CHD2: variants seen among roughly 807,000 people sequenced by gnomAD.
The protein encoded by CHD2 is chromodomain helicase DNA binding protein 2, also known as ATP-dependent chromatin remodeler CHD2.
Under a neutral mutation model 243.9 loss-of-function variants are expected in CHD2, and 28 were observed. That is an observed-to-expected ratio of 0.11 (90% CI 0.09 to 0.16). The LOEUF (loss-of-function observed/expected upper bound fraction) is 0.16. Ranked by LOEUF, CHD2 falls within the 10% of genes least tolerant of loss-of-function variation. The pLI is 1.00. For missense variants in CHD2, 1,386 were observed against 2,209.8 expected (o/e 0.63, Z 7.47); for synonymous variants, 775 against 779.0 (o/e 0.99, Z 0.09).
At position 93,024,720 on chromosome 15, in the gene CHD2, A is replaced by AG; in HGVS notation, c.*17dup. On this transcript the variant is annotated 3_prime_UTR_variant, in exon 39 of 39. Coordinates refer to ENST00000394196, the MANE Select transcript of CHD2 (RefSeq NM_001271.4). Reference sequence around the variant, plus strand: ...GGAAAACATAAAGGACAGCTCGTAAAGGAGAGAGTAAGAGTCACCAAACAC... The same window carrying AG: ...GGAAAACATAAAGGACAGCTCGTAAAGGGAGAGAGTAAGAGTCACCAAACAC... The AG allele has an allele frequency of 6.3e-7, 1 of 1,593,920 alleles. No homozygotes were observed. The highest frequency in any genetic ancestry group is 1.3e-5 in the African/African-American group (1 of 74,402).
chr15:92,981,211 A>T (rs576513631), intron 23 of CHD2, among the ~76,000 whole-genome samples, 154 bp from the exon 24 acceptor site: 46 of 152,358 alleles, frequency 3.0e-4, no homozygotes, highest in African/African-American at 1.1e-3. Flanking sequence ...GATGTAAAAG[A>T]TGTAGAGTTG....
Position 92,907,588 on chromosome 15 carries a change from A to C in CHD2, c.62+6289A>C, listed in dbSNP as rs181347254. Reference sequence around the variant, plus strand: ...GTTCAGCTTTTACTTTAGTCCTGAAAATTTTTGTTCCCAGTTTAGGCCAGT... The same window carrying C: ...GTTCAGCTTTTACTTTAGTCCTGAACATTTTTGTTCCCAGTTTAGGCCAGT... On this transcript the variant is annotated intron_variant, in intron 2 of 38. Transcript: ENST00000394196. 1.4e-4 allele frequency among the ~76,000 whole-genome samples: 22 copies of C among 152,272 alleles called. No individual in the cohort carries two copies. The East Asian group carries it at 3.5e-3, about 24-fold the overall frequency.
intron 2 of CHD2, among the ~76,000 whole-genome samples, chr15:92,922,507 G>A (rs924840905): frequency 6.6e-6 from 1 of 152,138 alleles, no homozygotes; most frequent in African/African-American, 2.4e-5. Flanking sequence ...GTAATGTGCT[G>A]TGGATCGCAT....
intron 16 of CHD2, among the ~76,000 whole-genome samples, chr15:92,963,317 G>T (rs1471753448): frequency 6.6e-6 from 1 of 151,752 alleles, no homozygotes; most frequent in Non-Finnish European, 1.5e-5. Flanking sequence ...TTTAATTCCT[G>T]TTAATTTTTT....
At chr15:92,937,491 A>G (rs1260850011) in intron 5 of CHD2, 27 bp from the exon 6 acceptor site, 1 of 1,519,592 alleles carries the variant, frequency 6.6e-7, no homozygotes, top group Admixed American at 2.3e-5. Context: ...TTAGAAAAAA[A>G]TTACTTTGTT....
rs1241749027 is a variant in CHD2, at chr15:93,014,827, G to C, written c.4824G>C (p.Leu1608Phe). 1 of 1,614,108 alleles carries C rather than the reference G, an allele frequency of 6.2e-7. No homozygotes were observed. Among genetic ancestry groups the C allele is most frequent in the East Asian group, 2.2e-5 (1 of 44,876 alleles). The change falls in exon 37 of 39, where the codon TTG becomes TTC. Residue 1608 changes from leucine to phenylalanine, a missense_variant. By Grantham distance (22) the Leu-to-Phe change is conservative (BLOSUM62 0). Coordinates refer to ENST00000394196, the MANE Select transcript of CHD2 (RefSeq NM_001271.4). ...SHNLHPQKPH[L>F]PASHGPQMHG... The stretch of plus-strand genomic sequence containing the variant: ...ACCTTCACCCTCAGAAGCCTCATTT[G>C]CCTGCCTCCCATGGCCCACAGATGC...
At chr15:92,916,175 G>A (rs1167175780) in intron 2 of CHD2, among the ~76,000 whole-genome samples, 1 of 152,180 alleles carries the variant, frequency 6.6e-6, no homozygotes, top group Non-Finnish European at 1.5e-5. Flanking sequence ...TACACATATT[G>A]ATGTCTCATG....
intron 16 of CHD2, among the ~76,000 whole-genome samples, chr15:92,958,428 T>C (rs2053643594): frequency 6.6e-6 from 1 of 152,222 alleles, no homozygotes; most frequent in African/African-American, 2.4e-5. Flanking sequence ...GTTTTGGCAT[T>C]TTAACTCAGG....
At chr15:92,908,489 G>A (rs1269125553) in intron 2 of CHD2, among the ~76,000 whole-genome samples, 1 of 152,074 alleles carries the variant, frequency 6.6e-6, no homozygotes, top group Admixed American at 6.6e-5. Context: ...TCAGACTGTG[G>A]AGAGCTTCTA....
At chr15:92,979,081 T>TA in intron 21 of CHD2, 54 bp from the exon 22 acceptor site, 1 of 1,580,012 alleles carries the variant, frequency 6.3e-7, no homozygotes, top group Non-Finnish European at 8.6e-7. Context: ...TCTCTTTTTT[T>TA]GGGGGGGTTG....
intron 22 of CHD2, among the ~76,000 whole-genome samples, chr15:92,980,271 G>T (rs112026747): frequency 0.068 from 9,897 of 145,858 alleles, 466 homozygotes; most frequent in South Asian, 0.12. Flanking sequence ...ATGTTGGCCA[G>T]ACTGGTCTCA....
intron 16 of CHD2, among the ~76,000 whole-genome samples, chr15:92,957,814 C>T (rs1236441492): frequency 1.3e-5 from 2 of 152,116 alleles, no homozygotes; most frequent in Non-Finnish European, 2.9e-5. Context: ...TGCTTGTTTG[C>T]AGTTAACCTC....
intron 16 of CHD2, among the ~76,000 whole-genome samples, chr15:92,961,957 C>G (rs1031762761): frequency 7.2e-6 from 1 of 138,310 alleles, no homozygotes; most frequent in African/African-American, 2.6e-5. Context: ...TCTCGGCTCA[C>G]TGCAACCTCC....
intron 35 of CHD2, 124 bp downstream of exon 35, chr15:93,009,447 T>C: frequency 1.1e-6 from 1 of 913,386 alleles, no homozygotes; most frequent in Non-Finnish European, 1.6e-6. Context: ...ACTCATCTAT[T>C]GGCAATATAC....
In CHD2 at chr15:92,997,610, G is replaced by A. The variant is rs2141867928; in HGVS notation, c.3885+207G>A. Reference sequence around the variant, plus strand: ...AAGACAGTAGCCAGGTGAAATTTTGGGGAAACTGTAGGAGAAATCTTAAAA... The same window carrying A: ...AAGACAGTAGCCAGGTGAAATTTTGAGGAAACTGTAGGAGAAATCTTAAAA... On this transcript the variant is annotated intron_variant, in intron 30 of 38. Coordinates refer to ENST00000394196, the MANE Select transcript of CHD2 (RefSeq NM_001271.4). The surrounding 1 kb of genome is among the most constrained non-coding windows in gnomAD (Gnocchi z 4.1). 1 of 408,110 alleles carries A rather than the reference G, an allele frequency of 2.5e-6. No individual in the cohort carries two copies. The highest frequency in any genetic ancestry group is 4.2e-5 in the East Asian group (1 of 24,096). 25.3% of individuals were successfully genotyped at this position (408,110 alleles called of 1,614,324 possible).
At chr15:92,901,676 A>T (rs764784503) in intron 2 of CHD2, 92 of 361,538 alleles carry the variant, frequency 2.5e-4, no homozygotes, top group Non-Finnish European at 4.0e-4. Flanking sequence ...ATACAAGGCA[A>T]ATTTTTTCTT....
intron 26 of CHD2, among the ~76,000 whole-genome samples, chr15:92,986,885 C>G (rs1195447950): frequency 1.3e-5 from 2 of 151,998 alleles, no homozygotes; most frequent in Admixed American, 6.6e-5. Flanking sequence ...GCATGTGCCA[C>G]CATGTCTGGC....
At chr15:92,918,833 A>G (rs2052895034) in intron 2 of CHD2, among the ~76,000 whole-genome samples, 1 of 151,540 alleles carries the variant, frequency 6.6e-6, no homozygotes, top group South Asian at 2.1e-4. Context: ...ACATATATAT[A>G]CATACACACA....
intron 2 of CHD2, chr15:92,904,378 C>A: frequency 1.1e-6 from 1 of 920,080 alleles, no homozygotes; most frequent in Non-Finnish European, 1.3e-6. Context: ...CAGCCTCCGC[C>A]CCGTGACGTC....
Sources: gnomAD v4.1 joint callset for allele counts (sites outside exome capture counted in the v4.1 genomes callset) on GRCh38, gnomAD v4.1.1 for gene constraint, Gnocchi (gnomAD v3.1) non-coding constraint, MANE v1.5 for transcripts, NCBI Gene and HGNC (gene_info 2026-07-23, HGNC 2026-07-21) for gene names.